POSTN: variants seen among roughly 807,000 people sequenced by gnomAD.
The protein encoded by POSTN is periostin.
In POSTN, 71 loss-of-function variants were observed where a neutral mutation model predicts 104.5. The ratio of observed to expected loss-of-function variants is 0.68; its 90% CI spans 0.56 to 0.83. The LOEUF is 0.83. POSTN is among the 40% of genes least tolerant of loss of function. POSTN has a pLI of 0.00. For synonymous variants in POSTN, 355 were observed against 340.7 expected, an observed-to-expected ratio of 1.04 and a Z score of -0.46; for missense variants, 949 against 1,006.8, an observed-to-expected ratio of 0.94 and a Z score of 0.78.
At chr13:37,584,252 A>C in intron 8 of POSTN, 149 bp from the exon 9 acceptor site, 2 of 979,590 alleles carry the variant, frequency 2.0e-6, no homozygotes, top group Non-Finnish European at 2.9e-6. Flanking sequence ...CCTCCCTAAT[A>C]AGAGAGTTCC....
At chr13:37,570,479 T>A in intron 19 of POSTN, 101 bp downstream of exon 19, 1 of 777,736 alleles carries the variant, frequency 1.3e-6, no homozygotes, top group Admixed American at 2.4e-5. Context: ...GTAATCACTA[T>A]GAAAATGACT....
rs941226827 is a variant in POSTN at position 37,562,618 on chromosome 13, C to T, written c.*715G>A. On this transcript the variant is annotated 3_prime_UTR_variant, in exon 23 of 23. Transcript: ENST00000379747. ...AATTTCCTTTAATGAGTACTTGTTA[C>T]AGTAAAAGAGGTATAAAGTCCTGTT... The T allele has an allele frequency of 6.6e-6, 1 of 152,182 alleles. No homozygotes were observed. The allele number at this position is 152,182 out of a possible 1,614,324, so 9.4% of individuals were successfully genotyped here.
chr13:37,598,520 G>A, intron 1 of POSTN, 88 bp downstream of exon 1: 2 of 1,194,280 alleles, frequency 1.7e-6, no homozygotes, highest in East Asian at 2.4e-5. Context: ...AAACCCTGAG[G>A]CATATATGAG....
intron 4 of POSTN, 151 bp downstream of exon 4, chr13:37,590,221 A>G (rs1950887486): frequency 9.5e-6 from 5 of 523,944 alleles, no homozygotes; most frequent in Non-Finnish European, 1.3e-5. Context: ...AAGATATTTT[A>G]CTTCCCTTAA....
At chr13:37,565,301 C>A (rs187183985) in intron 21 of POSTN, 1 of 151,970 alleles carries the variant, frequency 6.6e-6, no homozygotes, top group Non-Finnish European at 1.5e-5. Flanking sequence ...GACAAGACTA[C>A]CTGGTCGGCC....
rs1326618562 is a variant in POSTN at position 37,569,368 on chromosome 13, G to A, written c.2363C>T (p.Thr788Ile). The change falls in exon 21 of 23, where the codon ACC becomes ATC. Residue 788 changes from threonine to isoleucine, a missense_variant. Transcript: ENST00000379747. Reference protein sequence around the residue: ...KLLQEEVTKVTKFIEGGDGHL... With the variant: ...KLLQEEVTKVIKFIEGGDGHL... ...ACCATCACCACCTTCAATGAATTTG[G>A]TGACCTTGGTGACCTCTGAGAGGAT... 1.2e-6 allele frequency: 2 copies of A among 1,611,834 alleles called. No individual in the cohort carries two copies. The highest frequency in any genetic ancestry group is 1.1e-5 in the South Asian group (1 of 91,014).
intron 9 of POSTN, among the ~76,000 whole-genome samples, chr13:37,583,136 A>T (rs1286303160): frequency 6.6e-6 from 1 of 152,174 alleles, no homozygotes; most frequent in Non-Finnish European, 1.5e-5. Flanking sequence ...TTTCCTGAGA[A>T]AGGTCGAAGG....
At chr13:37,570,977 G>T in intron 18 of POSTN, 1 of 304,220 alleles carries the variant, frequency 3.3e-6, no homozygotes, top group South Asian at 6.1e-5. Flanking sequence ...ATTGGAATGG[G>T]AGCCCTATCA....
rs1004139205 is a variant in POSTN, at chr13:37,588,039, A to G, written c.442-53T>C. The G allele has an allele frequency of 3.6e-6, 5 of 1,400,942 alleles. No individual in the cohort carries two copies. In the African/African-American group the frequency reaches 7.2e-5, roughly 20 times the overall value. 86.8% of individuals were successfully genotyped at this position (1,400,942 alleles called of 1,614,324 possible). A position where few individuals can be genotyped will look rare whatever the true frequency, so the allele number is the denominator to read the frequency against. The stretch of plus-strand genomic sequence containing the variant: ...CAATTTATTGTGGAACATTAGTAAA[A>G]GTCTTACGATCACCCTATTTCTACT... On this transcript the variant is annotated intron_variant, in intron 4 of 22. Coordinates refer to ENST00000379747, the MANE Select transcript of POSTN (RefSeq NM_006475.3).
intron 3 of POSTN, among the ~76,000 whole-genome samples, chr13:37,591,078 T>C (rs1178048296): frequency 6.6e-6 from 1 of 152,160 alleles, no homozygotes; most frequent in African/African-American, 2.4e-5. Flanking sequence ...TTAGTATAAT[T>C]TGATTAATAG....
At position 37,579,030 on chromosome 13, in the gene POSTN, A is replaced by T; in HGVS notation, c.1883T>A (p.Leu628His). 6.2e-7 allele frequency: 1 copy of T among 1,613,328 alleles called. No homozygotes were observed. Among genetic ancestry groups the T allele is most frequent in the Non-Finnish European group, 8.5e-7 (1 of 1,179,592 alleles). Residue 628 changes from leucine (L) to histidine (H), a missense_variant, in exon 14 of 23, where the codon CTC becomes CAC. Physicochemically the swap from Leu to His is moderately conservative, Grantham distance 99. Transcript: ENST00000379747. ...NGVIHVVDKL[L>H]YPADTPVGND... The stretch of plus-strand genomic sequence containing the variant: ...CAATAATTACAAACCTGCTGGATAG[A>T]GGAGTTTATCTACAACATGAATTAC...
In POSTN at chr13:37,596,877, C is replaced by A. The variant is rs556021657; in HGVS notation, c.218+307G>T. On this transcript the variant is annotated intron_variant, in intron 2 of 22. Coordinates refer to ENST00000379747, the MANE Select transcript of POSTN (RefSeq NM_006475.3). ...TGACTTGCCTAAGATAAAAGAGGGC[C>A]AAACCAGGAGTAGAAACAACATCAT... 7.9e-5 allele frequency among the ~76,000 whole-genome samples: 12 copies of A among 152,080 alleles called. No individual in the cohort carries two copies. The East Asian group carries it at 2.3e-3, about 29-fold the overall frequency.
At chr13:37,598,319 A>G (rs1951144133) in intron 1 of POSTN, among the ~76,000 whole-genome samples, 1 of 152,156 alleles carries the variant, frequency 6.6e-6, no homozygotes, top group Non-Finnish European at 1.5e-5. Context: ...ACATAAATAA[A>G]TGGAATTATA....
chr13:37,570,536 C>T (rs1950233726), intron 19 of POSTN, 44 bp downstream of exon 19: 1 of 1,271,940 alleles, frequency 7.9e-7, no homozygotes, highest in Non-Finnish European at 1.1e-6. Flanking sequence ...ATAATTTGAT[C>T]TTTATAATCT....
At chr13:37,588,318 C>T (rs1950817315) in intron 4 of POSTN, among the ~76,000 whole-genome samples, 1 of 151,938 alleles carries the variant, frequency 6.6e-6, no homozygotes, top group African/African-American at 2.4e-5. Context: ...CTTTAAATGG[C>T]AAACAAAAGA....
At chr13:37,591,485 T>C (rs960478341) in intron 3 of POSTN, among the ~76,000 whole-genome samples, 25 of 152,126 alleles carry the variant, frequency 1.6e-4, no homozygotes, top group Non-Finnish European at 1.5e-5. Flanking sequence ...AGAAGAAAGA[T>C]TACTGGACTA....
At chr13:37,564,368 A>G (rs1224909341) in intron 22 of POSTN, 151 bp downstream of exon 22, 10 of 547,932 alleles carry the variant, frequency 1.8e-5, no homozygotes, top group Non-Finnish European at 2.9e-5. Context: ...TCTGATTGTT[A>G]TCAAAATTGT....
In POSTN at chr13:37,570,643, T is replaced by C; in HGVS notation, c.2206A>G (p.Ile736Val). The C allele has an allele frequency of 6.2e-7, 1 of 1,607,612 alleles. No homozygotes were observed. The highest frequency in any genetic ancestry group is 8.5e-7 in the Non-Finnish European group (1 of 1,174,614). Reference sequence around the variant, plus strand: ...ATTTCCACAGGCACTCCATCAATGATTTTGGTGTATTTTTTAATAATTGGC... The same window carrying C: ...ATTTCCACAGGCACTCCATCAATGACTTTGGTGTATTTTTTAATAATTGGC... ...GEPIIKKYTK[I>V]IDGVPVEITE... Residue 736 changes from isoleucine to valine, a missense_variant, in exon 19 of 23, where the codon ATC becomes GTC. Ile to Val is a conservative substitution (Grantham distance 29). Coordinates refer to ENST00000379747, the MANE Select transcript of POSTN (RefSeq NM_006475.3).
rs1420461496 is a variant in POSTN, at chr13:37,598,750, G to A, written c.-24C>T. The A allele has an allele frequency of 1.2e-6, 2 of 1,610,460 alleles. No homozygotes were observed. Among genetic ancestry groups the A allele is most frequent in the Admixed American group, 1.7e-5 (1 of 59,928 alleles). ...ATCTTGAGTCTCTCCGTTGCAGTTAGTCCCCGAAGAGAACTGGCAGTGGGC... is the reference window on the plus strand; with the variant it reads ...ATCTTGAGTCTCTCCGTTGCAGTTAATCCCCGAAGAGAACTGGCAGTGGGC... On this transcript the variant is annotated 5_prime_UTR_variant, in exon 1 of 23. Transcript: ENST00000379747.
Sources: gnomAD v4.1 joint callset for allele counts (sites outside exome capture counted in the v4.1 genomes callset) on GRCh38, gnomAD v4.1.1 for gene constraint, MANE v1.5 for transcripts, NCBI Gene and HGNC (gene_info 2026-07-23, HGNC 2026-07-21) for gene names.